Variants in PDZD8 observed in about 807,000 individuals in gnomAD.
PDZD8 encodes PDZ domain containing 8, also known as PDZ domain-containing protein 8.
Under a neutral mutation model 85.8 loss-of-function variants are expected in PDZD8, and 14 were observed. The observed-to-expected ratio is 0.16, with a 90% CI of 0.11 to 0.26. The LOEUF (loss-of-function observed/expected upper bound fraction) is 0.26, where lower values mean the gene tolerates loss of function less well. Among genes scored for constraint, PDZD8 ranks in the 10% least tolerant of loss-of-function variants. PDZD8 has a pLI of 1.00. For synonymous variants in PDZD8, 592 were observed against 568.6 expected, an observed-to-expected ratio of 1.04 and a Z score of -0.59; for missense variants, 1,197 against 1,424.3, an observed-to-expected ratio of 0.84 and a Z score of 2.57.
chr10:117,321,556 A>T (rs990497633), intron 2 of PDZD8, among the ~76,000 whole-genome samples: 1 of 152,148 alleles, frequency 6.6e-6, no homozygotes, highest in Non-Finnish European at 1.5e-5. Context: ...TCTAAAATTA[A>T]ACTCTGACGG....
At chr10:117,357,163 A>T (rs527793959) in intron 1 of PDZD8, among the ~76,000 whole-genome samples, 1 of 152,266 alleles carries the variant, frequency 6.6e-6, no homozygotes, top group South Asian at 2.1e-4. Flanking sequence ...AAGGCCACAG[A>T]AGGTGGATCA....
In PDZD8 at chr10:117,277,364, C is replaced by A; in HGVS notation, c.*5904G>T. The stretch of plus-strand genomic sequence containing the variant: ...AACTGTCTTAGTCATACCATCCATC[C>A]CTGGTGAAAGAGTAAAACCAAAGGT... On this transcript the variant is annotated 3_prime_UTR_variant, in exon 5 of 5. Coordinates refer to ENST00000334464, the MANE Select transcript of PDZD8 (RefSeq NM_173791.5). The A allele has an allele frequency of 1.5e-6, 1 of 658,422 alleles. No individual in the cohort carries two copies. Among genetic ancestry groups the A allele is most frequent in the South Asian group, 2.3e-5 (1 of 43,434 alleles). 40.8% of individuals were successfully genotyped at this position (658,422 alleles called of 1,614,324 possible).
chr10:117,319,848 T>G (rs910794398), intron 2 of PDZD8, among the ~76,000 whole-genome samples: 1 of 152,076 alleles, frequency 6.6e-6, no homozygotes, highest in African/African-American at 2.4e-5. Flanking sequence ...GAGAACAGCT[T>G]TAACACTAAC....
rs559155397 is a variant in PDZD8 at position 117,353,245 on chromosome 10, C to G, written c.873-12143G>C. Among the ~76,000 whole-genome samples the G allele has an allele frequency of 2.6e-5, 4 of 152,174 alleles. No individual in the cohort carries two copies. In the South Asian group the frequency reaches 8.3e-4, roughly 32 times the overall value. ...ATGATGCTGAGTAAAATATAAAGAACTCAATAAAATTGTTCAGCAATTCTA... is the reference window on the plus strand; with the variant it reads ...ATGATGCTGAGTAAAATATAAAGAAGTCAATAAAATTGTTCAGCAATTCTA... On this transcript the variant is annotated intron_variant, in intron 1 of 4. Transcript: ENST00000334464.
intron 1 of PDZD8, among the ~76,000 whole-genome samples, chr10:117,365,175 T>C (rs1845066892): frequency 6.6e-6 from 1 of 151,598 alleles, no homozygotes; most frequent in Non-Finnish European, 1.5e-5. Flanking sequence ...TACACAGAGA[T>C]ACAGGTAGAA....
chr10:117,337,743 T>C (rs1168719821), intron 2 of PDZD8, among the ~76,000 whole-genome samples: 1 of 152,158 alleles, frequency 6.6e-6, no homozygotes, highest in African/African-American at 2.4e-5. Flanking sequence ...TTGTGGGTAG[T>C]TGCCTATCTC....
intron 3 of PDZD8, among the ~76,000 whole-genome samples, chr10:117,299,799 G>A (rs1465483763): frequency 2.6e-5 from 4 of 151,866 alleles, no homozygotes; most frequent in Non-Finnish European, 5.9e-5. Context: ...TCAACCCCCT[G>A]AATTCTTTAT....
intron 4 of PDZD8, 155 bp from the exon 5 acceptor site, chr10:117,285,626 T>A: frequency 8.5e-7 from 1 of 1,175,002 alleles, no homozygotes; most frequent in Non-Finnish European, 1.1e-6. Context: ...ATATTTTATT[T>A]GGCTTTTGGA....
At chr10:117,358,135 CCT>C (rs1189383240) in intron 1 of PDZD8, among the ~76,000 whole-genome samples, 1 of 151,956 alleles carries the variant, frequency 6.6e-6, no homozygotes, top group African/African-American at 2.4e-5. Context: ...AAAAAAGTTC[CCT>C]GTTTCTTAAA....
intron 3 of PDZD8, among the ~76,000 whole-genome samples, chr10:117,316,011 CTCTT>C (rs1276680799): frequency 2.0e-5 from 3 of 152,152 alleles, no homozygotes; most frequent in Non-Finnish European, 4.4e-5. Flanking sequence ...ATTGCACTGT[CTCTT>C]TCTGGTGTGG....
chr10:117,331,482 A>G (rs1021366584), intron 2 of PDZD8, among the ~76,000 whole-genome samples: 1 of 152,180 alleles, frequency 6.6e-6, no homozygotes, highest in Non-Finnish European at 1.5e-5. Flanking sequence ...ATTTTGAAAG[A>G]GAGAAAATAA....
At chr10:117,328,931 G>A (rs1414942798) in intron 2 of PDZD8, among the ~76,000 whole-genome samples, 1 of 152,176 alleles carries the variant, frequency 6.6e-6, no homozygotes, top group Non-Finnish European at 1.5e-5. Context: ...GGAAATTTCT[G>A]AAGAAATGCC....
At chr10:117,306,935 G>A (rs1459393980) in intron 3 of PDZD8, among the ~76,000 whole-genome samples, 2 of 152,048 alleles carry the variant, frequency 1.3e-5, no homozygotes, top group African/African-American at 4.8e-5. Context: ...CAGTATAACT[G>A]CCAGAGTTAG....
chr10:117,366,034 T>TC (rs764200198), intron 1 of PDZD8, among the ~76,000 whole-genome samples: 78 of 151,918 alleles, frequency 5.1e-4, no homozygotes, highest in Non-Finnish European at 8.2e-4. Flanking sequence ...ATATGAAATC[T>TC]TAAGAGGAAA....
intron 1 of PDZD8, among the ~76,000 whole-genome samples, chr10:117,345,673 C>G (rs2420338): frequency 1.3e-5 from 2 of 151,374 alleles, no homozygotes; most frequent in Non-Finnish European, 2.9e-5. Context: ...ATGACCCATA[C>G]AGCAAAAAAC....
At chr10:117,336,435 T>C (rs1275879506) in intron 2 of PDZD8, among the ~76,000 whole-genome samples, 1 of 152,176 alleles carries the variant, frequency 6.6e-6, no homozygotes, top group African/African-American at 2.4e-5. Flanking sequence ...ACACCCAACA[T>C]TCAGATCTTA....
chr10:117,281,593 A>G lies in PDZD8; in HGVS notation c.*1675T>C, dbSNP rs1258316713. 4 of 152,128 alleles carry G rather than the reference A, an allele frequency of 2.6e-5. No homozygotes were observed. Among genetic ancestry groups the G allele is most frequent in the South Asian group, 2.1e-4 (1 of 4,826 alleles). 9.4% of individuals were successfully genotyped at this position (152,128 alleles called of 1,614,324 possible). ...CATATAAATAATGCCTTTTACTTGT[A>G]TATCTTTTTACTGTTCAAAGCACTT... is the stretch of plus-strand genomic sequence containing the variant. On this transcript the variant is annotated 3_prime_UTR_variant, in exon 5 of 5. Coordinates refer to ENST00000334464, the MANE Select transcript of PDZD8 (RefSeq NM_173791.5).
chr10:117,365,533 T>C (rs1298915691), intron 1 of PDZD8, among the ~76,000 whole-genome samples: 1 of 152,218 alleles, frequency 6.6e-6, no homozygotes, highest in African/African-American at 2.4e-5. Context: ...AAAGTGAGTT[T>C]GTCGCTCATT....
At chr10:117,355,491 T>C (rs1844878701) in intron 1 of PDZD8, among the ~76,000 whole-genome samples, 1 of 152,128 alleles carries the variant, frequency 6.6e-6, no homozygotes, top group Non-Finnish European at 1.5e-5. Context: ...ATAGACAATA[T>C]AAAATAGAGG....
Sources: allele counts gnomAD v4.1 joint callset (sites outside exome capture counted in the v4.1 genomes callset), GRCh38; gene constraint gnomAD v4.1.1; transcripts MANE v1.5; gene names NCBI Gene and HGNC (gene_info 2026-07-23, HGNC 2026-07-21).